Variants in CRIM1 observed in about 807,000 individuals in gnomAD.
CRIM1 encodes cysteine rich transmembrane BMP regulator 1.
In CRIM1, 32 loss-of-function variants were observed where a neutral mutation model predicts 116.4. The ratio of observed to expected loss-of-function variants is 0.27; its 90% CI spans 0.21 to 0.37. The LOEUF (loss-of-function observed/expected upper bound fraction) is 0.37. Ranked by LOEUF, CRIM1 falls within the 10% of genes least tolerant of loss-of-function variation. CRIM1 has a pLI of 1.00. For missense variants in CRIM1, 1,331 were observed against 1,354.8 expected (o/e 0.98, Z 0.28); for synonymous variants, 590 against 509.2 (o/e 1.16, Z -2.13).
intron 12 of CRIM1, among the ~76,000 whole-genome samples, chr2:36,521,574 G>C (rs1665393904): frequency 6.6e-6 from 1 of 152,170 alleles, no homozygotes. Context: ...TCTTCTGATA[G>C]GGGTGTCACA....
At chr2:36,372,163 AACCTGAGGGTGGAAGTGTGTG>A (rs1238366482) in intron 1 of CRIM1, among the ~76,000 whole-genome samples, 3 of 152,150 alleles carry the variant, frequency 2.0e-5, no homozygotes, top group African/African-American at 7.2e-5. Flanking sequence ...CTAAGCCAAC[AACCTGAGGGTGGAAGTGTGTG>A]ACTGGGAATA....
intron 1 of CRIM1, among the ~76,000 whole-genome samples, chr2:36,395,935 T>A (rs548877067): frequency 6.6e-6 from 1 of 152,298 alleles, no homozygotes; most frequent in South Asian, 2.1e-4. Context: ...GAGTAAAAAA[T>A]TAGCTTTTTA....
intron 5 of CRIM1, 39 bp from the exon 6 acceptor site, chr2:36,476,850 T>C: frequency 6.5e-6 from 10 of 1,534,264 alleles, no homozygotes; most frequent in Non-Finnish European, 8.8e-6. Context: ...AACTAAAAAA[T>C]GACTACAAAT....
intron 7 of CRIM1, among the ~76,000 whole-genome samples, chr2:36,489,891 G>A (rs891148178): frequency 1.3e-5 from 2 of 152,150 alleles, no homozygotes; most frequent in Non-Finnish European, 2.9e-5. Context: ...TGTTCTCTTG[G>A]AGACATCATA....
Position 36,548,788 on chromosome 2 carries a change from GTGGATTGTAT to G in CRIM1, c.*96_*105del, listed in dbSNP as rs1247305118. On this transcript the variant is annotated 3_prime_UTR_variant, in exon 17 of 17. Coordinates refer to ENST00000280527, the MANE Select transcript of CRIM1 (RefSeq NM_016441.3). ...AAACTAGAATTTGTGCACTTGCTTA[GTGGATTGTAT>G]TGGATTGTGACTTGATGTACAGCGC... is the stretch of plus-strand genomic sequence containing the variant. 25 of 1,151,516 alleles carry G rather than the reference GTGGATTGTAT, an allele frequency of 2.2e-5. 2 individuals are homozygous for G. Among genetic ancestry groups the G allele is most frequent in the African/African-American group, 1.6e-4 (10 of 63,566 alleles). The allele number at this position is 1,151,516 out of a possible 1,614,324, so 71.3% of individuals were successfully genotyped here.
At chr2:36,376,888 G>A (rs1305374470) in intron 1 of CRIM1, among the ~76,000 whole-genome samples, 1 of 152,204 alleles carries the variant, frequency 6.6e-6, no homozygotes, top group Non-Finnish European at 1.5e-5. Context: ...AGCATTTGGG[G>A]GATGGAGTTG....
chr2:36,394,648 A>G lies in CRIM1; in HGVS notation c.332-1966A>G, dbSNP rs1354635677. 2.6e-5 allele frequency among the ~76,000 whole-genome samples: 4 copies of G among 151,836 alleles called. No homozygotes were observed. The East Asian group carries it at 5.8e-4, about 22-fold the overall frequency. On this transcript the variant is annotated intron_variant, in intron 1 of 16. Coordinates refer to ENST00000280527, the MANE Select transcript of CRIM1 (RefSeq NM_016441.3). ...ACATATATATATATCTTATATATGT[A>G]TGTTGTTTCTCAGAACCAAATTTAG...
intron 14 of CRIM1, among the ~76,000 whole-genome samples, chr2:36,543,688 A>ATT (rs869081095): frequency 1.5e-5 from 2 of 131,164 alleles, no homozygotes; most frequent in Non-Finnish European, 1.6e-5. Context: ...AAAAGTTCTG[A>ATT]TTTTTTTTTT....
chr2:36,451,635 G>C (rs991252906), intron 4 of CRIM1, among the ~76,000 whole-genome samples: 2 of 152,202 alleles, frequency 1.3e-5, no homozygotes, highest in South Asian at 4.2e-4. Context: ...TTATCCTTCC[G>C]TGGTAGAGCT....
At chr2:36,387,074 G>T (rs1027011858) in intron 1 of CRIM1, among the ~76,000 whole-genome samples, 2 of 152,174 alleles carry the variant, frequency 1.3e-5, no homozygotes, top group African/African-American at 4.8e-5. Context: ...ACTGCATGTT[G>T]GACTTCATTT....
intron 2 of CRIM1, among the ~76,000 whole-genome samples, chr2:36,426,479 T>C (rs1194331587): frequency 6.6e-6 from 1 of 152,194 alleles, no homozygotes; most frequent in Non-Finnish European, 1.5e-5. Flanking sequence ...AATATCTGGC[T>C]ATAGGATTCC....
intron 3 of CRIM1, 37 bp from the exon 4 acceptor site, chr2:36,442,578 T>C: frequency 6.2e-7 from 1 of 1,613,026 alleles, no homozygotes; most frequent in Non-Finnish European, 8.5e-7. Flanking sequence ...CAAGTAAATA[T>C]AACAATAAAC....
intron 7 of CRIM1, among the ~76,000 whole-genome samples, chr2:36,484,595 G>T (rs1679679360): frequency 6.6e-6 from 1 of 152,110 alleles, no homozygotes; most frequent in Non-Finnish European, 1.5e-5. Flanking sequence ...AGCTTCCTGG[G>T]GACTTTGAAG....
chr2:36,425,890 C>T (rs1212739205), intron 2 of CRIM1, among the ~76,000 whole-genome samples: 2 of 152,238 alleles, frequency 1.3e-5, no homozygotes, highest in Non-Finnish European at 2.9e-5. Context: ...AAACAGTGAC[C>T]CAGAGGATCC....
At chr2:36,546,189 GACT>G (rs1367724803) in intron 15 of CRIM1, among the ~76,000 whole-genome samples, 3 of 152,132 alleles carry the variant, frequency 2.0e-5, no homozygotes, top group Non-Finnish European at 4.4e-5. Flanking sequence ...TAGAAAACCT[GACT>G]ACAATGATTT....
chr2:36,537,427 A>T lies in CRIM1; in HGVS notation c.2504A>T (p.Asp835Val). Reference sequence around the variant, plus strand: ...GCCGACGAGGAGCGGTGGGACCTTGACAGCTGCACCCACTGCTACTGCCTG... The same window carrying T: ...GCCGACGAGGAGCGGTGGGACCTTGTCAGCTGCACCCACTGCTACTGCCTG... Reference protein sequence around the residue: ...AYADEERWDLDSCTHCYCLQG... With the variant: ...AYADEERWDLVSCTHCYCLQG... Residue 835 changes from aspartate (D) to valine (V), a missense_variant, in exon 14 of 17, where the codon GAC becomes GTC. This residue lies in a region of CRIM1 where 358 missense variants were observed against 436.1 expected (regional missense o/e 0.82). Transcript: ENST00000280527. 1 of 1,614,168 alleles carries T rather than the reference A, an allele frequency of 6.2e-7. No individual in the cohort carries two copies. Among genetic ancestry groups the T allele is most frequent in the Non-Finnish European group, 8.5e-7 (1 of 1,180,022 alleles).
Position 36,356,327 on chromosome 2 carries a change from G to A in CRIM1, c.35G>A (p.Gly12Asp), listed in dbSNP as rs1192540988. ...YLVAGDRGLA[G>D]CGHLLVSLLG... ...GTGGCGGGGGACAGGGGGTTGGCCG[G>A]CTGCGGGCACCTCCTGGTCTCGCTG... The change falls in exon 1 of 17, where the codon GGC becomes GAC. Residue 12 changes from glycine to aspartate, a missense_variant. Transcript: ENST00000280527. The surrounding 1 kb of genome is among the most constrained non-coding windows in gnomAD (Gnocchi z 4.3). 9.5e-6 allele frequency: 15 copies of A among 1,578,862 alleles called. No homozygotes were observed. Among genetic ancestry groups the A allele is most frequent in the Non-Finnish European group, 1.3e-5 (15 of 1,165,434 alleles).
At chr2:36,468,381 G>A (rs554705211) in intron 5 of CRIM1, among the ~76,000 whole-genome samples, 43 of 152,280 alleles carry the variant, frequency 2.8e-4, no homozygotes, top group Middle Eastern at 6.8e-3. Context: ...CTTTGTTTTT[G>A]TAGTTTGATT....
intron 1 of CRIM1, among the ~76,000 whole-genome samples, chr2:36,385,562 C>T (rs1388862138): frequency 6.6e-6 from 1 of 152,100 alleles, no homozygotes; most frequent in Non-Finnish European, 1.5e-5. Flanking sequence ...ATAGAGGGGC[C>T]TCTGCTTGTC....
Sources: gnomAD v4.1 joint callset for allele counts (sites outside exome capture counted in the v4.1 genomes callset) on GRCh38, gnomAD v4.1.1 for gene constraint, gnomAD v4.1.1 regional missense constraint, Gnocchi (gnomAD v3.1) non-coding constraint, MANE v1.5 for transcripts, NCBI Gene and HGNC (gene_info 2026-07-23, HGNC 2026-07-21) for gene names.